The following PITPNC1 variants were observed in gnomAD, a reference collection of about 807,000 sequenced individuals.
PITPNC1 encodes cytoplasmic phosphatidylinositol transfer protein 1.
Under a neutral mutation model 44.7 loss-of-function variants are expected in PITPNC1, and 18 were observed. The ratio of observed to expected loss-of-function variants is 0.40; its 90% CI spans 0.28 to 0.60. The LOEUF is 0.60. Ranked by LOEUF, PITPNC1 falls within the 20% of genes least tolerant of loss-of-function variation. PITPNC1 has a pLI of 0.39. For synonymous variants in PITPNC1, 141 were observed against 149.6 expected (o/e 0.94, Z 0.42); for missense variants, 290 against 418.4 (o/e 0.69, Z 2.68).
At chr17:67,527,663 T>C (rs989728436) in intron 1 of PITPNC1, among the ~76,000 whole-genome samples, 43 of 151,870 alleles carry the variant, frequency 2.8e-4, no homozygotes, top group African/African-American at 1.0e-3. Context: ...ATCTCGCCAC[T>C]GCACTCCAGC....
At chr17:67,383,687 G>A (rs922402027) in intron 1 of PITPNC1, among the ~76,000 whole-genome samples, 4 of 152,210 alleles carry the variant, frequency 2.6e-5, no homozygotes, top group Non-Finnish European at 4.4e-5. Context: ...GAGACGCTAA[G>A]CACATCCTAA....
chr17:67,477,951 C>T (rs907904779), intron 1 of PITPNC1, among the ~76,000 whole-genome samples: 4 of 152,110 alleles, frequency 2.6e-5, no homozygotes, highest in African/African-American at 9.7e-5. Context: ...CCTCTGGGTC[C>T]TTCCTGTTGA....
chr17:67,468,970 T>C (rs1259239316), intron 1 of PITPNC1, among the ~76,000 whole-genome samples: 1 of 152,002 alleles, frequency 6.6e-6, no homozygotes, highest in Non-Finnish European at 1.5e-5. Context: ...CTCAGGTGAT[T>C]CGCCTGCCTC....
rs1051629317 is a variant in PITPNC1 at position 67,420,374 on chromosome 17, T to C, written c.48+42172T>C. Reference sequence around the variant, plus strand: ...CTCTTTCTCTCTCTCCTTCCTTCCTTCCTCCCTCCCCTCCCTCCCTCCCTC... The same window carrying C: ...CTCTTTCTCTCTCTCCTTCCTTCCTCCCTCCCTCCCCTCCCTCCCTCCCTC... On this transcript the variant is annotated intron_variant, in intron 1 of 8. Transcript: ENST00000581322. Among the ~76,000 whole-genome samples, 243 of 67,570 alleles carry C rather than the reference T, an allele frequency of 3.6e-3. 2 individuals are homozygous for C. Among genetic ancestry groups the C allele is most frequent in the Admixed American group, 5.7e-3 (41 of 7,220 alleles). The allele number at this position is 67,570 out of a possible 152,430, so 44.3% of individuals were successfully genotyped here.
intron 1 of PITPNC1, among the ~76,000 whole-genome samples, chr17:67,414,978 T>C (rs1262873928): frequency 2.0e-5 from 3 of 152,134 alleles, no homozygotes; most frequent in Non-Finnish European, 2.9e-5. Flanking sequence ...CCTCCTGGGT[T>C]CAAGCGATTC....
At chr17:67,565,910 A>G (rs1462136516) in intron 4 of PITPNC1, among the ~76,000 whole-genome samples, 2 of 151,682 alleles carry the variant, frequency 1.3e-5, no homozygotes, top group Admixed American at 6.6e-5. Flanking sequence ...TTCAGTGTGT[A>G]TACTCGTTTT....
At chr17:67,394,721 C>A (rs375784521) in intron 1 of PITPNC1, among the ~76,000 whole-genome samples, 2 of 151,968 alleles carry the variant, frequency 1.3e-5, no homozygotes, top group East Asian at 3.9e-4. Flanking sequence ...GGCTAAACCC[C>A]GTCTCGACTA....
intron 1 of PITPNC1, among the ~76,000 whole-genome samples, chr17:67,514,242 G>A (rs1029585878): frequency 3.3e-5 from 5 of 151,800 alleles, no homozygotes; most frequent in African/African-American, 9.7e-5. Context: ...CTCTGTCTTC[G>A]AGGCTGGATT....
chr17:67,636,607 C>G (rs903393292), intron 6 of PITPNC1, among the ~76,000 whole-genome samples: 1 of 152,174 alleles, frequency 6.6e-6, no homozygotes, highest in Non-Finnish European at 1.5e-5. Context: ...CCACTGGGAG[C>G]CTGCAATAAA....
In PITPNC1 at chr17:67,378,026, G is replaced by T. The variant is rs934982175; in HGVS notation, c.-129G>T. The T allele has an allele frequency of 4.1e-6, 2 of 483,104 alleles. No homozygotes were observed. The highest frequency in any genetic ancestry group is 3.7e-5 in the East Asian group (1 of 27,098). The allele number at this position is 483,104 out of a possible 1,614,324, so 29.9% of individuals were successfully genotyped here. A position where few individuals can be genotyped will look rare whatever the true frequency, so the allele number is the denominator to read the frequency against. On this transcript the variant is annotated 5_prime_UTR_variant, in exon 1 of 9. Coordinates refer to ENST00000581322, the MANE Select transcript of PITPNC1 (RefSeq NM_012417.4). ...GGAAGCCAGGAGCTGAGCGCGCCGC[G>T]GGGGCTGCTTCGCCCTCCGGCTCCG...
intron 2 of PITPNC1, among the ~76,000 whole-genome samples, chr17:67,540,490 G>A (rs1051596826): frequency 5.9e-5 from 9 of 152,242 alleles, no homozygotes; most frequent in African/African-American, 2.2e-4. Context: ...TTAAAATTCA[G>A]AAGTGTACAC....
chr17:67,615,539 T>G (rs1230124562), intron 5 of PITPNC1, among the ~76,000 whole-genome samples: 1 of 152,148 alleles, frequency 6.6e-6, no homozygotes, highest in African/African-American at 2.4e-5. Context: ...TGAGCTAGTG[T>G]AGTGGCTGTG....
intron 1 of PITPNC1, among the ~76,000 whole-genome samples, chr17:67,423,279 A>T (rs898225312): frequency 6.6e-6 from 1 of 152,322 alleles, no homozygotes; most frequent in East Asian, 1.9e-4. Context: ...ATCACTGGAT[A>T]CAAGTTGAAT....
intron 1 of PITPNC1, among the ~76,000 whole-genome samples, chr17:67,455,185 A>G (rs546414306): frequency 2.0e-5 from 3 of 152,278 alleles, no homozygotes; most frequent in Non-Finnish European, 2.9e-5. Flanking sequence ...TTTTTCACCT[A>G]TTAATATGCA....
chr17:67,648,931 A>G (rs2042180226), intron 6 of PITPNC1, among the ~76,000 whole-genome samples: 1 of 152,294 alleles, frequency 6.6e-6, no homozygotes, highest in Non-Finnish European at 1.5e-5. Flanking sequence ...AGGCGGGAGG[A>G]TCACTTGAGG....
At chr17:67,470,625 A>T (rs1171257412) in intron 1 of PITPNC1, among the ~76,000 whole-genome samples, 6 of 151,790 alleles carry the variant, frequency 4.0e-5, no homozygotes, top group Non-Finnish European at 8.8e-5. Flanking sequence ...CCGGGAGGTG[A>T]GGGGCACCTC....
At chr17:67,460,349 C>T (rs2039317802) in intron 1 of PITPNC1, among the ~76,000 whole-genome samples, 1 of 152,142 alleles carries the variant, frequency 6.6e-6, no homozygotes. Flanking sequence ...CCCTAGTTGA[C>T]CCCTTGCTGC....
At chr17:67,684,072 C>T (rs988211563) in intron 8 of PITPNC1, among the ~76,000 whole-genome samples, 1 of 149,994 alleles carries the variant, frequency 6.7e-6, no homozygotes, top group Non-Finnish European at 1.5e-5. Context: ...TTACCAATTC[C>T]AAATTGACGG....
intron 8 of PITPNC1, among the ~76,000 whole-genome samples, chr17:67,690,016 C>T (rs901636302): frequency 2.0e-5 from 3 of 152,120 alleles, no homozygotes; most frequent in Admixed American, 1.3e-4. Flanking sequence ...AATTTTATAT[C>T]TTATCCACAT....
Sources: allele counts gnomAD v4.1 joint callset (sites outside exome capture counted in the v4.1 genomes callset), GRCh38; gene constraint gnomAD v4.1.1; transcripts MANE v1.5; gene names NCBI Gene and HGNC (gene_info 2026-07-23, HGNC 2026-07-21).